Variants in TTC27 observed in about 807,000 individuals in gnomAD.
TTC27 encodes the protein tetratricopeptide repeat domain 27.
Under a neutral mutation model 115.9 loss-of-function variants are expected in TTC27, and 79 were observed. That is an observed-to-expected ratio of 0.68 (90% CI 0.57 to 0.82). The LOEUF (loss-of-function observed/expected upper bound fraction) is 0.82. Among genes scored for constraint, TTC27 ranks in the 40% least tolerant of loss-of-function variants. The probability of loss-of-function intolerance (pLI) is 0.00; values close to 1 mark genes in which losing one functional copy is unlikely to be tolerated. For missense variants in TTC27, 1,054 were observed against 993.1 expected (o/e 1.06, Z -0.82); for synonymous variants, 401 against 356.0 (o/e 1.13, Z -1.42).
chr2:32,766,528 A>C (rs1407422425), intron 13 of TTC27: 4 of 442,170 alleles, frequency 9.0e-6, no homozygotes, highest in South Asian at 6.9e-5. Context: ...TGGAGCAGTC[A>C]GAACATACAC....
At chr2:32,812,090 C>T (rs1671335398) in intron 17 of TTC27, among the ~76,000 whole-genome samples, 1 of 152,168 alleles carries the variant, frequency 6.6e-6, no homozygotes, top group South Asian at 2.1e-4. Flanking sequence ...GTGACTTCTC[C>T]CTCAAGGATT....
intron 14 of TTC27, among the ~76,000 whole-genome samples, chr2:32,780,922 G>T (rs553116516): frequency 1.3e-3 from 198 of 150,806 alleles, no homozygotes; most frequent in Non-Finnish European, 2.6e-3. Flanking sequence ...TATTTGAGAA[G>T]AAAGAATTGC....
At chr2:32,649,075 G>C (rs1664980696) in intron 4 of TTC27, among the ~76,000 whole-genome samples, 1 of 152,082 alleles carries the variant, frequency 6.6e-6, no homozygotes, top group African/African-American at 2.4e-5. Context: ...GGCTCAAATA[G>C]AGTTATAAAC....
intron 10 of TTC27, among the ~76,000 whole-genome samples, chr2:32,729,390 G>A (rs530143638): frequency 6.6e-6 from 1 of 152,292 alleles, no homozygotes; most frequent in East Asian, 1.9e-4. Flanking sequence ...ATTGAAAGGA[G>A]AGGGGACATC....
chr2:32,671,918 T>C (rs867976839), intron 7 of TTC27, among the ~76,000 whole-genome samples: 1 of 152,226 alleles, frequency 6.6e-6, no homozygotes, highest in Middle Eastern at 3.2e-3. Context: ...TCTTTGTTTT[T>C]TCATCAGTAA....
At chr2:32,695,374 A>C (rs1234594636) in intron 9 of TTC27, among the ~76,000 whole-genome samples, 1 of 152,120 alleles carries the variant, frequency 6.6e-6, no homozygotes, top group East Asian at 1.9e-4. Context: ...ACCTGAGGTC[A>C]GGAGTTCAAA....
intron 8 of TTC27, among the ~76,000 whole-genome samples, chr2:32,676,152 C>T (rs967231333): frequency 2.6e-5 from 4 of 151,928 alleles, no homozygotes; most frequent in African/African-American, 9.7e-5. Context: ...CTTCAGGCTC[C>T]TTCCCTAGAC....
chr2:32,715,380 G>T (rs187037427), intron 10 of TTC27, among the ~76,000 whole-genome samples: 3 of 152,202 alleles, frequency 2.0e-5, no homozygotes, highest in Non-Finnish European at 4.4e-5. Flanking sequence ...ATCACATGTT[G>T]TAGGTGTGTG....
intron 12 of TTC27, among the ~76,000 whole-genome samples, chr2:32,751,685 G>C (rs1213971526): frequency 6.6e-6 from 1 of 152,152 alleles, no homozygotes; most frequent in Non-Finnish European, 1.5e-5. Context: ...TATTTCCCCA[G>C]GATACAATTA....
At chr2:32,661,406 G>A (rs1198165250) in intron 5 of TTC27, among the ~76,000 whole-genome samples, 3 of 152,158 alleles carry the variant, frequency 2.0e-5, no homozygotes, top group Admixed American at 2.0e-4. Context: ...CATGAGCATG[G>A]AATGTTTTTC....
At chr2:32,817,398 A>T in intron 18 of TTC27, 59 bp from the exon 19 acceptor site, 1 of 1,401,142 alleles carries the variant, frequency 7.1e-7, no homozygotes, top group Non-Finnish European at 1.0e-6. Context: ...TGGCTTTTGT[A>T]CCTGTGAATT....
chr2:32,771,273 C>T (rs893962452), intron 13 of TTC27, among the ~76,000 whole-genome samples: 7 of 152,136 alleles, frequency 4.6e-5, no homozygotes, highest in Non-Finnish European at 7.3e-5. Context: ...ATAGTAAGTT[C>T]GCAATAATAG....
intron 10 of TTC27, among the ~76,000 whole-genome samples, chr2:32,716,359 A>G (rs919988780): frequency 1.3e-5 from 2 of 152,234 alleles, no homozygotes; most frequent in African/African-American, 4.8e-5. Context: ...TACAAATTTT[A>G]GTACTGCATA....
chr2:32,779,179 C>T (rs981817348), intron 14 of TTC27, among the ~76,000 whole-genome samples: 4 of 151,948 alleles, frequency 2.6e-5, no homozygotes, highest in East Asian at 1.9e-4. Context: ...GCAGAGATTG[C>T]GCCACCTTAC....
intron 9 of TTC27, among the ~76,000 whole-genome samples, chr2:32,698,332 A>G (rs1181824324): frequency 1.3e-5 from 2 of 151,688 alleles, no homozygotes; most frequent in Non-Finnish European, 2.9e-5. Context: ...GGGGCTTGCT[A>G]TGCTGCCCAG....
chr2:32,669,052 C>T (rs1017268371), intron 7 of TTC27, among the ~76,000 whole-genome samples: 6 of 151,852 alleles, frequency 4.0e-5, no homozygotes, highest in African/African-American at 7.3e-5. Context: ...GCACTCCAGG[C>T]TGGGCGACAG....
intron 13 of TTC27, among the ~76,000 whole-genome samples, chr2:32,762,448 C>T (rs914686414): frequency 2.0e-5 from 3 of 151,956 alleles, no homozygotes; most frequent in Non-Finnish European, 2.9e-5. Context: ...GAGGCTAAAC[C>T]GTTGGGTTTT....
chr2:32,633,897 T>A lies in TTC27; in HGVS notation c.288T>A (p.Leu96=). 1 of 1,613,848 alleles carries A rather than the reference T, an allele frequency of 6.2e-7. No homozygotes were observed. The highest frequency in any genetic ancestry group is 8.5e-7 in the Non-Finnish European group (1 of 1,179,902). The change falls in exon 3 of 20, where the codon CTT becomes CTA. Residue 96 remains leucine, a synonymous_variant. Transcript: ENST00000317907. ...GCAGACAACAGTTGATATTTCTACT[T>A]GGTGTGAGCAGTTTGCAACTTTTTG... ...TTERQQLIFL[L]GVSSLQLFVQ... is the part of the protein sequence containing the mutation.
Position 32,703,087 on chromosome 2 carries a change from C to G in TTC27, c.1233+167C>G, listed in dbSNP as rs555912843. ...TAATTTAACTTCTTGGTTCCAAAGC[C>G]CAGCTCTGTGACTTAGCAGCTCTGT... On this transcript the variant is annotated intron_variant, in intron 10 of 19. Transcript: ENST00000317907. Among the ~76,000 whole-genome samples the G allele has an allele frequency of 4.4e-4, 67 of 152,256 alleles. No individual in the cohort carries two copies. In the South Asian group the frequency reaches 0.013, roughly 31 times the overall value.
Sources: allele counts gnomAD v4.1 joint callset (sites outside exome capture counted in the v4.1 genomes callset), GRCh38; gene constraint gnomAD v4.1.1; transcripts MANE v1.5; gene names NCBI Gene and HGNC (gene_info 2026-07-23, HGNC 2026-07-21).